Variants in FYB1 observed in about 807,000 individuals in gnomAD.
The protein encoded by FYB1 is FYN binding protein 1.
FYB1 carries 41 observed loss-of-function variants against 94.1 expected under a neutral mutation model. The ratio of observed to expected loss-of-function variants is 0.44; its 90% CI spans 0.34 to 0.57. The LOEUF is 0.57. FYB1 is among the 20% of genes least tolerant of loss of function. The pLI is 0.02. For synonymous variants in FYB1, 367 were observed against 353.2 expected, an observed-to-expected ratio of 1.04 and a Z score of -0.44; for missense variants, 1,050 against 976.8, an observed-to-expected ratio of 1.07 and a Z score of -1.00.
chr5:39,264,332 G>A (rs112979305), intron 1 of FYB1, among the ~76,000 whole-genome samples: 1,744 of 152,330 alleles, frequency 0.011, 34 homozygotes, highest in African/African-American at 0.038. Flanking sequence ...ATCTGCAAGA[G>A]GGCCCTTACA....
At chr5:39,163,751 G>T (rs1451599948) in intron 2 of FYB1, among the ~76,000 whole-genome samples, 1 of 152,170 alleles carries the variant, frequency 6.6e-6, no homozygotes, top group Non-Finnish European at 1.5e-5. Flanking sequence ...AAGGAAAAAT[G>T]TCAGCATATA....
intron 2 of FYB1, among the ~76,000 whole-genome samples, chr5:39,178,892 G>A (rs943223545): frequency 6.6e-5 from 10 of 152,234 alleles, no homozygotes; most frequent in South Asian, 2.1e-4. Flanking sequence ...GTTAGGAAAC[G>A]TATCATCTTG....
At chr5:39,251,230 A>G (rs1751699343) in intron 1 of FYB1, among the ~76,000 whole-genome samples, 1 of 152,218 alleles carries the variant, frequency 6.6e-6, no homozygotes, top group Admixed American at 6.5e-5. Context: ...TTTAATCCTG[A>G]AGGAATTAAT....
At chr5:39,194,566 A>AGAAG (rs1328765761) in intron 2 of FYB1, among the ~76,000 whole-genome samples, 7 of 151,668 alleles carry the variant, frequency 4.6e-5, no homozygotes, top group African/African-American at 1.7e-4. Flanking sequence ...AAGGAAGGAA[A>AGAAG]GAAGGAAGGA....
intron 5 of FYB1, chr5:39,138,983 A>C: frequency 1.8e-6 from 1 of 545,938 alleles, no homozygotes; most frequent in Non-Finnish European, 3.2e-6. Flanking sequence ...TTCCTTTTCT[A>C]TCTTGCTATA....
intron 16 of FYB1, chr5:39,110,768 T>A (rs767769721): frequency 5.8e-6 from 2 of 345,460 alleles, no homozygotes; most frequent in Non-Finnish European, 1.1e-5. Context: ...CATTTATTGG[T>A]AAGTATTTTA....
intron 2 of FYB1, among the ~76,000 whole-genome samples, chr5:39,185,250 T>G (rs2150437819): frequency 6.6e-6 from 1 of 152,260 alleles, no homozygotes; most frequent in East Asian, 1.9e-4. Context: ...CTCTTCATTG[T>G]TATCATAAAT....
chr5:39,262,383 G>A (rs1405726855), intron 1 of FYB1, among the ~76,000 whole-genome samples: 1 of 152,166 alleles, frequency 6.6e-6, no homozygotes, highest in African/African-American at 2.4e-5. Context: ...TAATAAACTT[G>A]TGAAAACATG....
chr5:39,264,379 T>G (rs188987868), intron 1 of FYB1, among the ~76,000 whole-genome samples: 2 of 152,232 alleles, frequency 1.3e-5, no homozygotes, highest in Non-Finnish European at 2.9e-5. Context: ...TCTTGGACTT[T>G]GTAGCCCGCA....
intron 3 of FYB1, 39 bp from the exon 4 acceptor site, chr5:39,141,180 G>T: frequency 7.6e-7 from 1 of 1,324,460 alleles, no homozygotes; most frequent in Non-Finnish European, 1.1e-6. Context: ...CATGGAACAA[G>T]TAGATGCTCA....
chr5:39,261,073 G>T (rs1017647796), intron 1 of FYB1, among the ~76,000 whole-genome samples: 1 of 151,976 alleles, frequency 6.6e-6, no homozygotes, highest in Non-Finnish European at 1.5e-5. Context: ...AGCAATCACA[G>T]GAACAGAAAA....
intron 9 of FYB1, among the ~76,000 whole-genome samples, chr5:39,133,496 A>G (rs966087715): frequency 2.0e-5 from 3 of 152,186 alleles, no homozygotes; most frequent in Admixed American, 2.0e-4. Context: ...GCTGGAACAA[A>G]GAGAAGAAGA....
chr5:39,223,084 A>G (rs1750337279), upstream of FYB1, among the ~76,000 whole-genome samples: 1 of 152,154 alleles, frequency 6.6e-6, no homozygotes, highest in South Asian at 2.1e-4. Context: ...ACACACCTGC[A>G]CATCCTGCAC....
At chr5:39,161,267 C>T (rs1744224570) in intron 2 of FYB1, among the ~76,000 whole-genome samples, 1 of 152,078 alleles carries the variant, frequency 6.6e-6, no homozygotes, top group African/African-American at 2.4e-5. Flanking sequence ...GATTGATTTT[C>T]TTTTTCTTTT....
At chr5:39,230,844 T>TACACACAC (rs10641788) in intron 1 of FYB1, among the ~76,000 whole-genome samples, 3,136 of 143,596 alleles carry the variant, frequency 0.022, 121 homozygotes, top group African/African-American at 0.076. Flanking sequence ...TGTCTCAGTA[T>TACACACAC]ACACACACAC....
rs200342357 is a variant in FYB1, at chr5:39,202,373, G to C, written c.588C>G (p.Pro196=). ...DLEPKPLFPK[P]AFGQKPPLST... Reference sequence around the variant, plus strand: ...TTAGGGGCGGCTTCTGGCCAAAGGCGGGTTTGGGGAAGAGGGGCTTGGGTT... The same window carrying C: ...TTAGGGGCGGCTTCTGGCCAAAGGCCGGTTTGGGGAAGAGGGGCTTGGGTT... The change falls in exon 2 of 19, where the codon CCC becomes CCG. Residue 196 remains proline, a synonymous_variant. Transcript: ENST00000512982. The C allele has an allele frequency of 3.0e-5, 48 of 1,613,938 alleles. No individual in the cohort carries two copies. The Admixed American group carries it at 6.5e-4, about 22-fold the overall frequency.
intron 1 of FYB1, among the ~76,000 whole-genome samples, chr5:39,248,926 G>A (rs1010797108): frequency 1.3e-5 from 2 of 152,146 alleles, no homozygotes; most frequent in African/African-American, 4.8e-5. Context: ...TGTCCAATGT[G>A]GTAGCCATTA....
At chr5:39,233,487 G>A (rs921519414) in intron 1 of FYB1, among the ~76,000 whole-genome samples, 6 of 152,026 alleles carry the variant, frequency 3.9e-5, no homozygotes, top group Non-Finnish European at 8.8e-5. Context: ...AAAAATGATC[G>A]GCAGACTCCA....
chr5:39,205,195 A>G (rs1327394025), intron 1 of FYB1, among the ~76,000 whole-genome samples: 1 of 152,236 alleles, frequency 6.6e-6, no homozygotes, highest in Non-Finnish European at 1.5e-5. Flanking sequence ...TTAATTCCAT[A>G]TCATATAATG....
Sources: gnomAD v4.1 joint callset for allele counts (sites outside exome capture counted in the v4.1 genomes callset) on GRCh38, gnomAD v4.1.1 for gene constraint, MANE v1.5 for transcripts, NCBI Gene and HGNC (gene_info 2026-07-23, HGNC 2026-07-21) for gene names.